GOLT1B: variants seen among roughly 807,000 people sequenced by gnomAD.
The protein encoded by GOLT1B is vesicle transport protein GOT1B.
Under a neutral mutation model 15.4 loss-of-function variants are expected in GOLT1B, and 3 were observed. The observed-to-expected ratio is 0.19, with a 90% confidence interval of 0.09 to 0.50. GOLT1B has a LOEUF of 0.50. GOLT1B is among the 20% of genes least tolerant of loss of function. GOLT1B has a pLI of 0.97. For synonymous variants in GOLT1B, 65 were observed against 56.2 expected, an observed-to-expected ratio of 1.16 and a Z score of -0.70; for missense variants, 145 against 160.4, an observed-to-expected ratio of 0.90 and a Z score of 0.52.
At chr12:21,502,788 C>T (rs36230525) in intron 1 of GOLT1B, among the ~76,000 whole-genome samples, 4,360 of 152,170 alleles carry the variant, frequency 0.029, 202 homozygotes, top group African/African-American at 0.097. Flanking sequence ...AAGCTCTGTA[C>T]CTCATATTTT....
At chr12:21,503,279 A>G (rs1347773896) in intron 1 of GOLT1B, among the ~76,000 whole-genome samples, 1 of 152,226 alleles carries the variant, frequency 6.6e-6, no homozygotes, top group Non-Finnish European at 1.5e-5. Context: ...GAGCCCTGTA[A>G]GGCTCACAGA....
chr12:21,515,539 C>T (rs1485108680), intron 4 of GOLT1B, 130 bp from the exon 5 acceptor site: 1 of 651,318 alleles, frequency 1.5e-6, no homozygotes, highest in East Asian at 2.8e-5. Context: ...TAGTCATTGT[C>T]AGTCATACCT....
chr12:21,501,845 C>A lies in GOLT1B; in HGVS notation c.-79C>A, dbSNP rs1359763830. 3.0e-6 allele frequency: 3 copies of A among 1,014,304 alleles called. No individual in the cohort carries two copies. The African/African-American group carries it at 4.6e-5, about 16-fold the overall frequency. The allele number at this position is 1,014,304 out of a possible 1,614,324, so 62.8% of individuals were successfully genotyped here. On this transcript the variant is annotated 5_prime_UTR_variant, in exon 1 of 5. Coordinates refer to ENST00000229314, the MANE Select transcript of GOLT1B (RefSeq NM_016072.5). ...TGGCGGCTCTCGCCTGGGCTGTTTC[C>A]CGGCTTCATTTCTCCCGACTCAGCT...
Position 21,515,695 on chromosome 12 carries a change from C to A in GOLT1B, c.405C>A (p.Asn135Lys). Reference protein sequence around the residue: ...RSFVDKVGESNNMV With the variant: ...RSFVDKVGESKNMV ...TTGTAGATAAAGTTGGAGAAAGCAA[C>A]AATATGGTATAACAACAAGTGAATT... The change falls in exon 5 of 5, where the codon AAC (asparagine) becomes AAA (lysine). Residue 135 changes from asparagine to lysine, a missense_variant. Transcript: ENST00000229314. The A allele has an allele frequency of 7.4e-7, 1 of 1,358,714 alleles. No individual in the cohort carries two copies. Among genetic ancestry groups the A allele is most frequent in the Non-Finnish European group, 1.0e-6 (1 of 958,578 alleles). The allele number at this position is 1,358,714 out of a possible 1,614,324, so 84.2% of individuals were successfully genotyped here. A position where few individuals can be genotyped will look rare whatever the true frequency, so the allele number is the denominator to read the frequency against.
Position 21,515,962 on chromosome 12 carries a change from C to A in GOLT1B, c.*255C>A. 2.7e-6 allele frequency: 1 copy of A among 364,558 alleles called. No individual in the cohort carries two copies. Among genetic ancestry groups the A allele is most frequent in the Non-Finnish European group, 4.9e-6 (1 of 205,494 alleles). 22.6% of individuals were successfully genotyped at this position (364,558 alleles called of 1,614,324 possible). ...ATCCATGTTAATGATGCTTAAGAAACTCTTGAAGGCTATTTGTGTTGTTTT... is the reference window on the plus strand; with the variant it reads ...ATCCATGTTAATGATGCTTAAGAAAATCTTGAAGGCTATTTGTGTTGTTTT... On this transcript the variant is annotated 3_prime_UTR_variant, in exon 5 of 5. Coordinates refer to ENST00000229314, the MANE Select transcript of GOLT1B (RefSeq NM_016072.5).
chr12:21,506,033 A>C (rs1196828364), intron 1 of GOLT1B, among the ~76,000 whole-genome samples: 1 of 108,186 alleles, frequency 9.2e-6, no homozygotes, highest in East Asian at 4.1e-4. Flanking sequence ...ATAGACTTTA[A>C]AGCTTACACC....
chr12:21,515,943 G>A lies in GOLT1B; in HGVS notation c.*236G>A, dbSNP rs1020528973. ...GCAAACTGAGAGAGGTGAAATCCAT[G>A]TTAATGATGCTTAAGAAACTCTTGA... On this transcript the variant is annotated 3_prime_UTR_variant, in exon 5 of 5. Transcript: ENST00000229314. 4 of 410,222 alleles carry A rather than the reference G, an allele frequency of 9.8e-6. No homozygotes were observed. The highest frequency in any genetic ancestry group is 2.1e-5 in the African/African-American group (1 of 47,922). 25.4% of individuals were successfully genotyped at this position (410,222 alleles called of 1,614,324 possible). A position where few individuals can be genotyped will look rare whatever the true frequency, so the allele number is the denominator to read the frequency against.
chr12:21,503,247 T>A (rs1271389335), intron 1 of GOLT1B, among the ~76,000 whole-genome samples: 1 of 152,230 alleles, frequency 6.6e-6, no homozygotes, highest in Non-Finnish European at 1.5e-5. Flanking sequence ...TTCATGTGAA[T>A]CATTATGCAT....
intron 2 of GOLT1B, chr12:21,508,173 A>G: frequency 1.9e-6 from 1 of 539,802 alleles, no homozygotes; most frequent in South Asian, 2.3e-5. Flanking sequence ...GAGGAATGAG[A>G]CAAGTGGAAC....
In GOLT1B at chr12:21,506,904, A is replaced by G. The variant is rs1012484897; in HGVS notation, c.45A>G (p.Thr15=). ...TDTQKIGMGL[T]GFGVFFLFFG... ...TTGCAGAAATTGGAATGGGATTAAC[A>G]GGATTTGGAGTGTTTTTCCTGTTCT... Residue 15 remains threonine, a synonymous_variant, in exon 2 of 5, where the codon ACA becomes ACG. Coordinates refer to ENST00000229314, the MANE Select transcript of GOLT1B (RefSeq NM_016072.5). 2.0e-6 allele frequency: 3 copies of G among 1,476,160 alleles called. No homozygotes were observed. The African/African-American group carries it at 4.1e-5, about 20-fold the overall frequency. The allele number at this position is 1,476,160 out of a possible 1,614,324, so 91.4% of individuals were successfully genotyped here. A position where few individuals can be genotyped will look rare whatever the true frequency, so the allele number is the denominator to read the frequency against.
chr12:21,508,058 T>C, intron 2 of GOLT1B: 1 of 415,148 alleles, frequency 2.4e-6, no homozygotes. Context: ...TGACTAAGCC[T>C]TCCTCATCCA....
chr12:21,507,564 G>A (rs1943688598), intron 2 of GOLT1B, among the ~76,000 whole-genome samples: 1 of 151,202 alleles, frequency 6.6e-6, no homozygotes, highest in Non-Finnish European at 1.5e-5. Context: ...ATATATTTGG[G>A]CTTTTAACTG....
At position 21,515,791 on chromosome 12, in the gene GOLT1B, C is replaced by A; in HGVS notation, c.*84C>A. On this transcript the variant is annotated 3_prime_UTR_variant, in exon 5 of 5. Coordinates refer to ENST00000229314, the MANE Select transcript of GOLT1B (RefSeq NM_016072.5). ...GAATATTCAGCACAAAATTAAATTA[C>A]ATGAAATAGCTTGTAATGTTCTTTA... The A allele has an allele frequency of 1.4e-6, 1 of 712,112 alleles. No individual in the cohort carries two copies. Among genetic ancestry groups the A allele is most frequent in the Non-Finnish European group, 2.5e-6 (1 of 405,794 alleles). 44.1% of individuals were successfully genotyped at this position (712,112 alleles called of 1,614,324 possible). A position where few individuals can be genotyped will look rare whatever the true frequency, so the allele number is the denominator to read the frequency against.
intron 4 of GOLT1B, among the ~76,000 whole-genome samples, chr12:21,512,710 A>G (rs1291475689): frequency 6.6e-6 from 1 of 152,194 alleles, no homozygotes; most frequent in Non-Finnish European, 1.5e-5. Context: ...GCAATAATGT[A>G]AAAAGGAAAC....
At chr12:21,512,422 T>G (rs1219164507) in intron 4 of GOLT1B, 46 bp downstream of exon 4, 1 of 878,952 alleles carries the variant, frequency 1.1e-6, no homozygotes, top group East Asian at 2.4e-5. Flanking sequence ...CGTATTTTGA[T>G]GCTTTTTACT....
chr12:21,505,213 T>A (rs988951467), intron 1 of GOLT1B, among the ~76,000 whole-genome samples: 1 of 152,220 alleles, frequency 6.6e-6, no homozygotes, highest in Non-Finnish European at 1.5e-5. Flanking sequence ...TAGGTGTCTT[T>A]CCATATACCT....
intron 2 of GOLT1B, 93 bp downstream of exon 2, chr12:21,507,069 T>A: frequency 1.5e-6 from 1 of 676,456 alleles, no homozygotes; most frequent in Non-Finnish European, 2.7e-6. Context: ...GGAAAATAAT[T>A]CACTATTACT....
rs1032908976 is a variant in GOLT1B at position 21,518,121 on chromosome 12, C to T, written c.*2414C>T. 1 of 152,380 alleles carries T rather than the reference C, an allele frequency of 6.6e-6. No homozygotes were observed. The highest frequency in any genetic ancestry group is 2.4e-5 in the African/African-American group (1 of 41,450). 9.4% of individuals were successfully genotyped at this position (152,380 alleles called of 1,614,324 possible). A position where few individuals can be genotyped will look rare whatever the true frequency, so the allele number is the denominator to read the frequency against. The stretch of plus-strand genomic sequence containing the variant: ...CTAACAATTGAATATTGTAAATATA[C>T]TTGTCTTACCTCTCAATAAAAGGGT... On this transcript the variant is annotated 3_prime_UTR_variant, in exon 5 of 5. Transcript: ENST00000229314.
At position 21,512,413 on chromosome 12, in the gene GOLT1B, G is replaced by A. The variant is rs201364607; in HGVS notation, c.378+37G>A. On this transcript the variant is annotated intron_variant, in intron 4 of 4. Coordinates refer to ENST00000229314, the MANE Select transcript of GOLT1B (RefSeq NM_016072.5). ...TGTATATTTTAGGCCAACAAAATAC[G>A]TATTTTGATGCTTTTTACTTCTAGA... 1.2e-4 allele frequency: 110 copies of A among 920,538 alleles called. 2 individuals carry two copies. Among genetic ancestry groups the A allele is most frequent in the South Asian group, 9.5e-4 (68 of 71,844 alleles). The allele number at this position is 920,538 out of a possible 1,614,324, so 57.0% of individuals were successfully genotyped here. A position where few individuals can be genotyped will look rare whatever the true frequency, so the allele number is the denominator to read the frequency against.
Sources: allele counts gnomAD v4.1 joint callset (sites outside exome capture counted in the v4.1 genomes callset), GRCh38; gene constraint gnomAD v4.1.1; transcripts MANE v1.5; gene names NCBI Gene and HGNC (gene_info 2026-07-23, HGNC 2026-07-21).